Variants in CLEC1A observed in about 807,000 individuals in gnomAD.
CLEC1A encodes C-type lectin domain family 1 member A.
CLEC1A carries 34 observed loss-of-function variants against 28.7 expected under a neutral mutation model. The ratio of observed to expected loss-of-function variants is 1.18; its 90% CI spans 0.90 to 1.57. CLEC1A has a LOEUF of 1.57. Ranked by LOEUF, CLEC1A falls within the 40% of genes most tolerant of loss-of-function variation. CLEC1A has a pLI of 0.00. For synonymous variants in CLEC1A, 116 were observed against 121.0 expected (o/e 0.96, Z 0.27); for missense variants, 385 against 339.5 (o/e 1.13, Z -1.05).
Position 10,071,359 on chromosome 12 carries a change from G to A in CLEC1A, c.817C>T (p.Pro273Ser), listed in dbSNP as rs773458345. 6.2e-7 allele frequency: 1 copy of A among 1,613,634 alleles called. No individual in the cohort carries two copies. Among genetic ancestry groups the A allele is most frequent in the Non-Finnish European group, 8.5e-7 (1 of 1,179,788 alleles). ...MVKPESLHVP[P>S]ETLGEGD ...CAGTCACCTTCGCCTAATGTTTCAG[G>A]GGGGACATGGAGGCTCTCTGGCTTC... Residue 273 changes from proline to serine, a missense_variant, in exon 6 of 6, where the codon CCT (proline) becomes TCT (serine). Pro to Ser is a moderately conservative substitution (Grantham distance 74). Coordinates refer to ENST00000315330, the MANE Select transcript of CLEC1A (RefSeq NM_016511.4).
At chr12:10,071,547 G>T in intron 5 of CLEC1A, 34 bp from the exon 6 acceptor site, 3 of 1,470,476 alleles carry the variant, frequency 2.0e-6, no homozygotes, top group South Asian at 2.6e-5. Flanking sequence ...ATTCAATCAC[G>T]GTTTATTTCT....
intron 4 of CLEC1A, among the ~76,000 whole-genome samples, chr12:10,074,938 A>T (rs1385470547): frequency 6.6e-6 from 1 of 152,238 alleles, no homozygotes; most frequent in Non-Finnish European, 1.5e-5. Context: ...AAAGGCAGTA[A>T]TAAATATGAG....
At chr12:10,088,704 C>G (rs1256378941) in intron 2 of CLEC1A, among the ~76,000 whole-genome samples, 1 of 151,842 alleles carries the variant, frequency 6.6e-6, no homozygotes, top group Non-Finnish European at 1.5e-5. Context: ...AAGGAGTTTA[C>G]CTACTCTCCT....
chr12:10,092,254 A>G (rs1947716232), intron 1 of CLEC1A, among the ~76,000 whole-genome samples: 1 of 152,188 alleles, frequency 6.6e-6, no homozygotes, highest in Non-Finnish European at 1.5e-5. Context: ...CTGTAATCTC[A>G]TCACTTTGGA....
At chr12:10,091,406 T>C (rs987578773) in intron 1 of CLEC1A, among the ~76,000 whole-genome samples, 1 of 151,978 alleles carries the variant, frequency 6.6e-6, no homozygotes, top group Non-Finnish European at 1.5e-5. Flanking sequence ...TTTTTGTTTT[T>C]TTTGTAGGCT....
rs768196907 is a variant in CLEC1A, at chr12:10,095,329, C to G, written c.115+3479G>C. On this transcript the variant is annotated intron_variant, in intron 1 of 5. Transcript: ENST00000315330. Reference sequence around the variant, plus strand: ...TTTAACCAAAGTAATTTTTCATATTCTTTTGATAGGATAAAATTTAGTCTC... The same window carrying G: ...TTTAACCAAAGTAATTTTTCATATTGTTTTGATAGGATAAAATTTAGTCTC... Among the ~76,000 whole-genome samples, 3 of 146,692 alleles carry G rather than the reference C, an allele frequency of 2.0e-5. No individual in the cohort carries two copies. In the Admixed American group the frequency reaches 2.1e-4, roughly 10 times the overall value.
intron 1 of CLEC1A, among the ~76,000 whole-genome samples, chr12:10,097,625 A>G (rs983986258): frequency 7.2e-5 from 11 of 152,078 alleles, no homozygotes; most frequent in Non-Finnish European, 1.5e-4. Context: ...CCACCCTTCA[A>G]CCTCAGCAGA....
intron 2 of CLEC1A, among the ~76,000 whole-genome samples, chr12:10,082,819 G>A (rs1042875432): frequency 6.6e-6 from 1 of 152,194 alleles, no homozygotes. Context: ...TAATTCCACT[G>A]CCTGCAACAT....
At chr12:10,083,535 C>G (rs1016002681) in intron 2 of CLEC1A, among the ~76,000 whole-genome samples, 1 of 152,192 alleles carries the variant, frequency 6.6e-6, no homozygotes, top group African/African-American at 2.4e-5. Flanking sequence ...GTAGTGTGAT[C>G]TTGGCTCACT....
chr12:10,098,501 C>T (rs531028002), intron 1 of CLEC1A, among the ~76,000 whole-genome samples: 1 of 152,198 alleles, frequency 6.6e-6, no homozygotes, highest in Admixed American at 6.5e-5. Context: ...AGGAAAGTGG[C>T]ATACCTGGTT....
chr12:10,073,299 G>GA lies in CLEC1A; in HGVS notation c.655dup (p.Ser219PhefsTer2), dbSNP rs1565598086. The GA allele has an allele frequency of 4.4e-6, 7 of 1,608,198 alleles. No homozygotes were observed. The highest frequency in any genetic ancestry group is 5.1e-6 in the Non-Finnish European group (6 of 1,174,696). On this transcript the variant is annotated frameshift_variant, in exon 5 of 6. Transcript: ENST00000315330. LOFTEE classifies it low-confidence loss of function (END_TRUNC). ...AAATATCCTGAAGGCTTACAGTTCA[G>GA]AAGTGAAAGGGGTTCCATCCATCCA... is the stretch of plus-strand genomic sequence containing the variant.
At chr12:10,072,056 G>A (rs1866146866) in intron 5 of CLEC1A, among the ~76,000 whole-genome samples, 1 of 152,146 alleles carries the variant, frequency 6.6e-6, no homozygotes, top group African/African-American at 2.4e-5. Flanking sequence ...GGTGGGAGGT[G>A]TTCGGGTCAT....
At position 10,071,156 on chromosome 12, in the gene CLEC1A, C is replaced by T. The variant is rs542520957; in HGVS notation, c.*177G>A. ...TAAGACTTCTTGTGACTGTTAAATA[C>T]GTGCATAAACCCAAGCTCAGAAATG... On this transcript the variant is annotated 3_prime_UTR_variant, in exon 6 of 6. Coordinates refer to ENST00000315330, the MANE Select transcript of CLEC1A (RefSeq NM_016511.4). 12 of 526,640 alleles carry T rather than the reference C, an allele frequency of 2.3e-5. No individual in the cohort carries two copies. Among genetic ancestry groups the T allele is most frequent in the Middle Eastern group, 5.2e-4 (1 of 1,928 alleles). The allele number at this position is 526,640 out of a possible 1,614,324, so 32.6% of individuals were successfully genotyped here. A position where few individuals can be genotyped will look rare whatever the true frequency, so the allele number is the denominator to read the frequency against.
chr12:10,089,338 G>C, intron 1 of CLEC1A, 116 bp from the exon 2 acceptor site: 1 of 763,012 alleles, frequency 1.3e-6, no homozygotes, highest in South Asian at 1.7e-5. Context: ...GCTGGACAAC[G>C]GTAACAGGGG....
At chr12:10,096,764 C>T (rs1238565852) in intron 1 of CLEC1A, among the ~76,000 whole-genome samples, 3 of 152,094 alleles carry the variant, frequency 2.0e-5, no homozygotes, top group Non-Finnish European at 4.4e-5. Context: ...TCATACGTCT[C>T]TCTGTCTATA....
In CLEC1A at chr12:10,089,083, T is replaced by G. The variant is rs150369633; in HGVS notation, c.214+41A>C. 3.4e-6 allele frequency: 5 copies of G among 1,479,574 alleles called. No homozygotes were observed. In the African/African-American group the frequency reaches 5.5e-5, roughly 16 times the overall value. The allele number at this position is 1,479,574 out of a possible 1,614,324, so 91.7% of individuals were successfully genotyped here. On this transcript the variant is annotated intron_variant, in intron 2 of 5. Transcript: ENST00000315330. Reference sequence around the variant, plus strand: ...AAGTGTTTCTCATCCTAGACAAACCTTGGAACCAGGATCCTCCCCCAGGTC... The same window carrying G: ...AAGTGTTTCTCATCCTAGACAAACCGTGGAACCAGGATCCTCCCCCAGGTC...
chr12:10,090,960 C>G (rs936321265), intron 1 of CLEC1A, among the ~76,000 whole-genome samples: 1 of 152,098 alleles, frequency 6.6e-6, no homozygotes, highest in Non-Finnish European at 1.5e-5. Flanking sequence ...CTATTTTCCC[C>G]TCACTCACAT....
intron 2 of CLEC1A, 91 bp downstream of exon 2, chr12:10,089,033 A>T: frequency 1.0e-6 from 1 of 971,044 alleles, no homozygotes; most frequent in Non-Finnish European, 1.6e-6. Context: ...CTAAGGAATT[A>T]AAGTTTAAAA....
Position 10,098,972 on chromosome 12 carries a change from C to G in CLEC1A, c.-50G>C. 1 of 1,372,076 alleles carries G rather than the reference C, an allele frequency of 7.3e-7. No homozygotes were observed. The highest frequency in any genetic ancestry group is 1.0e-6 in the Non-Finnish European group (1 of 979,308). 85.0% of individuals were successfully genotyped at this position (1,372,076 alleles called of 1,614,324 possible). A position where few individuals can be genotyped will look rare whatever the true frequency, so the allele number is the denominator to read the frequency against. On this transcript the variant is annotated 5_prime_UTR_variant, in exon 1 of 6. Transcript: ENST00000315330. ...GAAATGTGGTCGGATTGCCCTGGGC[C>G]GCCGGGCTACTGTGAGCTAGTTCAG...
Sources: gnomAD v4.1 joint callset for allele counts (sites outside exome capture counted in the v4.1 genomes callset) on GRCh38, gnomAD v4.1.1 for gene constraint, MANE v1.5 for transcripts, NCBI Gene and HGNC (gene_info 2026-07-23, HGNC 2026-07-21) for gene names.